The following WWP1 variants were observed in gnomAD, a reference collection of about 807,000 sequenced individuals.
WWP1 encodes the protein NEDD4-like E3 ubiquitin-protein ligase WWP1.
Under a neutral mutation model 130.6 loss-of-function variants are expected in WWP1, and 49 were observed. That is an observed-to-expected ratio of 0.38 (90% CI 0.30 to 0.48). WWP1 has a LOEUF of 0.48. WWP1 is among the 20% of genes least tolerant of loss of function. The pLI, the probability that WWP1 is intolerant of heterozygous loss-of-function variation, is 0.99. For synonymous variants in WWP1, 332 were observed against 367.8 expected, an observed-to-expected ratio of 0.90 and a Z score of 1.11; for missense variants, 809 against 1,100.6, an observed-to-expected ratio of 0.74 and a Z score of 3.75.
intron 5 of WWP1, among the ~76,000 whole-genome samples, chr8:86,394,862 A>G (rs1225436691): frequency 6.8e-6 from 1 of 147,456 alleles, no homozygotes; most frequent in Non-Finnish European, 1.5e-5. Context: ...ACTGCAGAAT[A>G]CCTAGGTCCT....
At chr8:86,396,936 G>A (rs1807710826) in intron 5 of WWP1, among the ~76,000 whole-genome samples, 1 of 151,998 alleles carries the variant, frequency 6.6e-6, no homozygotes, top group Non-Finnish European at 1.5e-5. Context: ...ATCTCACTGT[G>A]TTGCTGGTCT....
At chr8:86,446,547 A>T (rs1563541510) in intron 18 of WWP1, among the ~76,000 whole-genome samples, 1 of 151,912 alleles carries the variant, frequency 6.6e-6, no homozygotes, top group East Asian at 1.9e-4. Context: ...TGTCAAGGCT[A>T]ATATCAAGAG....
chr8:86,452,781 C>T, intron 21 of WWP1, 102 bp downstream of exon 21: 2 of 1,420,142 alleles, frequency 1.4e-6, no homozygotes, highest in Non-Finnish European at 1.9e-6. Context: ...AATCCTGTAG[C>T]ACAATCTTGA....
chr8:86,397,834 A>AGTG (rs1807762760), intron 5 of WWP1, among the ~76,000 whole-genome samples: 1 of 152,198 alleles, frequency 6.6e-6, no homozygotes, highest in African/African-American at 2.4e-5. Context: ...GTGCCTCAGA[A>AGTG]GTGGTGCTAG....
intron 18 of WWP1, among the ~76,000 whole-genome samples, chr8:86,443,504 G>A (rs9656828): frequency 0.2 from 29,973 of 152,052 alleles, 5,017 homozygotes; most frequent in African/African-American, 0.46. Context: ...ATTTATTTAC[G>A]TATTTATTTA....
intron 21 of WWP1, among the ~76,000 whole-genome samples, chr8:86,457,115 A>G (rs1430716947): frequency 2.0e-5 from 3 of 151,884 alleles, no homozygotes; most frequent in African/African-American, 7.2e-5. Context: ...AAGTTTGTGC[A>G]TTTTATTGTA....
intron 1 of WWP1, among the ~76,000 whole-genome samples, chr8:86,343,879 G>GA: frequency 6.6e-6 from 1 of 151,712 alleles, no homozygotes; most frequent in South Asian, 2.1e-4. Context: ...ATAGTAGTGG[G>GA]AAAAAAAATC....
chr8:86,460,060 A>G (rs891707189), intron 22 of WWP1, among the ~76,000 whole-genome samples: 2 of 152,200 alleles, frequency 1.3e-5, no homozygotes, highest in African/African-American at 2.4e-5. Flanking sequence ...TCTGCTCCCT[A>G]TGTTCCTTGC....
chr8:86,468,343 CG>C lies in WWP1; in HGVS notation c.*1451del. 2.2e-6 allele frequency: 1 copy of C among 447,376 alleles called. No individual in the cohort carries two copies. The highest frequency in any genetic ancestry group is 4.4e-6 in the Non-Finnish European group (1 of 224,754). The allele number at this position is 447,376 out of a possible 1,614,324, so 27.7% of individuals were successfully genotyped here. A position where few individuals can be genotyped will look rare whatever the true frequency, so the allele number is the denominator to read the frequency against. On this transcript the variant is annotated 3_prime_UTR_variant, in exon 25 of 25. Coordinates refer to ENST00000517970, the MANE Select transcript of WWP1 (RefSeq NM_007013.4). ...TTTTATTCAGAATTCATAGTAAAGA[CG>C]AAAGAAAGGCAGAGATCTGCTTGGT...
chr8:86,407,112 G>T (rs1319133461), intron 8 of WWP1, among the ~76,000 whole-genome samples: 1 of 152,126 alleles, frequency 6.6e-6, no homozygotes, highest in South Asian at 2.1e-4. Context: ...AGTGGGTGTG[G>T]TCTTATGTCT....
chr8:86,355,369 G>C (rs1184228310), intron 1 of WWP1, among the ~76,000 whole-genome samples: 2 of 152,118 alleles, frequency 1.3e-5, no homozygotes, highest in East Asian at 1.9e-4. Context: ...CTCATCCTCA[G>C]CTCAGCTCCA....
intron 1 of WWP1, among the ~76,000 whole-genome samples, chr8:86,353,776 C>T (rs1481021296): frequency 6.6e-6 from 1 of 152,212 alleles, no homozygotes; most frequent in East Asian, 1.9e-4. Flanking sequence ...AGCCAAGGCA[C>T]CTGGCCATGA....
At chr8:86,380,167 C>G (rs938280093) in intron 3 of WWP1, among the ~76,000 whole-genome samples, 8 of 151,902 alleles carry the variant, frequency 5.3e-5, no homozygotes, top group African/African-American at 1.5e-4. Context: ...TGGTATTTGG[C>G]AAGAAAAGGA....
intron 1 of WWP1, among the ~76,000 whole-genome samples, chr8:86,352,409 G>T (rs1822988168): frequency 6.6e-6 from 1 of 151,716 alleles, no homozygotes; most frequent in African/African-American, 2.4e-5. Context: ...ATTTTTAGTA[G>T]AGACGGGATT....
chr8:86,375,584 A>T (rs547928513), intron 3 of WWP1, among the ~76,000 whole-genome samples: 3 of 152,084 alleles, frequency 2.0e-5, no homozygotes, highest in African/African-American at 7.2e-5. Flanking sequence ...TTACAGTATT[A>T]TTCTGGAGTT....
intron 8 of WWP1, among the ~76,000 whole-genome samples, chr8:86,403,607 T>C (rs968885862): frequency 6.6e-5 from 10 of 152,158 alleles, no homozygotes; most frequent in African/African-American, 2.4e-4. Context: ...TAATAAGTCT[T>C]AATTGTGTAT....
chr8:86,431,207 C>A (rs1275270152), intron 12 of WWP1, among the ~76,000 whole-genome samples, 199 bp from the exon 13 acceptor site: 1 of 136,002 alleles, frequency 7.4e-6, no homozygotes, highest in Non-Finnish European at 1.5e-5. Flanking sequence ...ATATTATATT[C>A]TCTATAATAT....
chr8:86,432,135 A>G (rs2130681100), intron 14 of WWP1, among the ~76,000 whole-genome samples: 1 of 152,136 alleles, frequency 6.6e-6, no homozygotes, highest in East Asian at 1.9e-4. Context: ...CTCTGTCTAG[A>G]CTCTGTGCTC....
intron 1 of WWP1, among the ~76,000 whole-genome samples, chr8:86,362,143 A>G (rs1161692658): frequency 7.6e-6 from 1 of 131,022 alleles, no homozygotes; most frequent in East Asian, 2.2e-4. Flanking sequence ...TATATATACT[A>G]GGCATATATA....
Sources: allele counts gnomAD v4.1 joint callset (sites outside exome capture counted in the v4.1 genomes callset), GRCh38; gene constraint gnomAD v4.1.1; transcripts MANE v1.5; gene names NCBI Gene and HGNC (gene_info 2026-07-23, HGNC 2026-07-21).